RAPGEF6: variants seen among roughly 807,000 people sequenced by gnomAD.
RAPGEF6 encodes PDZ domain containing guanine nucleotide exchange factor (GEF) 2.
Under a neutral mutation model 171.4 loss-of-function variants are expected in RAPGEF6, and 56 were observed. The ratio of observed to expected loss-of-function variants is 0.33; its 90% CI spans 0.26 to 0.41. The LOEUF (loss-of-function observed/expected upper bound fraction) is 0.41, where lower values mean the gene tolerates loss of function less well. Among genes scored for constraint, RAPGEF6 ranks in the 10% least tolerant of loss-of-function variants. The probability of loss-of-function intolerance (pLI) is 1.00; values close to 1 mark genes in which losing one functional copy is unlikely to be tolerated. For missense variants in RAPGEF6, 1,674 were observed against 1,921.4 expected (o/e 0.87, Z 2.41); for synonymous variants, 692 against 650.1 (o/e 1.06, Z -0.98).
intron 1 of RAPGEF6, among the ~76,000 whole-genome samples, chr5:131,609,619 C>G (rs965194305): frequency 6.6e-5 from 10 of 152,332 alleles, no homozygotes; most frequent in South Asian, 2.1e-4. Context: ...CAAGGTCTGT[C>G]TAGCTACTGC....
At chr5:131,458,794 C>T (rs528585328) in intron 19 of RAPGEF6, among the ~76,000 whole-genome samples, 7 of 152,178 alleles carry the variant, frequency 4.6e-5, no homozygotes, top group Admixed American at 2.0e-4. Flanking sequence ...GCTGGGATTA[C>T]AAGCATGTGC....
chr5:131,448,589 T>C (rs1468092306), intron 21 of RAPGEF6, among the ~76,000 whole-genome samples: 1 of 152,154 alleles, frequency 6.6e-6, no homozygotes, highest in Non-Finnish European at 1.5e-5. Context: ...TTATCTTAGT[T>C]AATATAAAAA....
intron 15 of RAPGEF6, among the ~76,000 whole-genome samples, chr5:131,485,072 G>A (rs1026795053): frequency 8.5e-5 from 13 of 152,070 alleles, no homozygotes; most frequent in Non-Finnish European, 1.5e-4. Flanking sequence ...GACTACAGGT[G>A]CATGCTACCA....
intron 5 of RAPGEF6, among the ~76,000 whole-genome samples, chr5:131,550,932 C>A (rs1760883771): frequency 1.3e-5 from 2 of 152,190 alleles, no homozygotes; most frequent in Non-Finnish European, 2.9e-5. Flanking sequence ...ACTAAGTATA[C>A]CAACCTCACT....
At chr5:131,633,554 A>AC (rs1354204321) in intron 1 of RAPGEF6, among the ~76,000 whole-genome samples, 2 of 151,746 alleles carry the variant, frequency 1.3e-5, no homozygotes, top group Non-Finnish European at 2.9e-5. Context: ...ATATGGTGCA[A>AC]CCCCGTCTCT....
chr5:131,431,466 A>G, intron 25 of RAPGEF6, 117 bp from the exon 26 acceptor site: 1 of 1,099,560 alleles, frequency 9.1e-7, no homozygotes, highest in Non-Finnish European at 1.3e-6. Flanking sequence ...TGTTCATGCC[A>G]AATAACATCG....
chr5:131,529,196 C>CAGGG (rs1759196035), intron 6 of RAPGEF6, among the ~76,000 whole-genome samples: 2 of 151,400 alleles, frequency 1.3e-5, no homozygotes, highest in Non-Finnish European at 2.9e-5. Flanking sequence ...CAACAACAGG[C>CAGGG]AGGGCACTGT....
In RAPGEF6 at chr5:131,464,054, G is replaced by T; in HGVS notation, c.2467C>A (p.Gln823Lys). 6.3e-7 allele frequency: 1 copy of T among 1,598,206 alleles called. No individual in the cohort carries two copies. Among genetic ancestry groups the T allele is most frequent in the South Asian group, 1.1e-5 (1 of 89,428 alleles). Residue 823 changes from glutamine (Q) to lysine (K), a missense_variant, in exon 18 of 28, where the codon CAA becomes AAA. Around this residue, in one of 3 missense-constraint regions of RAPGEF6, gnomAD observed 1,116 missense variants for 1,321.5 expected, o/e 0.84. Transcript: ENST00000509018. ...DQFSKLADRI[Q>K]LNGRYYLKNN... ...AAGCTTATTCACCTTCCATTGAGTTGAATTCTATCAGCTAATTTGGAGAAC... is the reference window on the plus strand; with the variant it reads ...AAGCTTATTCACCTTCCATTGAGTTTAATTCTATCAGCTAATTTGGAGAAC...
intron 4 of RAPGEF6, among the ~76,000 whole-genome samples, chr5:131,587,898 G>C (rs1460604664): frequency 6.6e-6 from 1 of 152,104 alleles, no homozygotes; most frequent in Non-Finnish European, 1.5e-5. Flanking sequence ...ATCTGGAAAG[G>C]CCTTGCTGGG....
At chr5:131,631,774 C>T (rs1766321121) in intron 1 of RAPGEF6, among the ~76,000 whole-genome samples, 1 of 152,058 alleles carries the variant, frequency 6.6e-6, no homozygotes, top group Non-Finnish European at 1.5e-5. Context: ...TAGTGAGACC[C>T]TCTTTAAAAA....
intron 4 of RAPGEF6, among the ~76,000 whole-genome samples, chr5:131,570,669 A>G (rs527733820): frequency 6.6e-6 from 1 of 152,224 alleles, no homozygotes; most frequent in Non-Finnish European, 1.5e-5. Context: ...ACATTATGCT[A>G]AATGAAAAAA....
chr5:131,606,055 A>AAAAAAAAAAAAAAG (rs1764553795), intron 1 of RAPGEF6, among the ~76,000 whole-genome samples: 1 of 126,548 alleles, frequency 7.9e-6, no homozygotes, highest in African/African-American at 4.3e-5. Context: ...AAAAAAAAAG[A>AAAAAAAAAAAAAAG]AAAAGAAAAG....
chr5:131,532,510 T>C (rs1759460715), intron 6 of RAPGEF6, among the ~76,000 whole-genome samples: 1 of 152,176 alleles, frequency 6.6e-6, no homozygotes, highest in African/African-American at 2.4e-5. Context: ...CAAATCTGTG[T>C]TCCTGGATTC....
At chr5:131,595,776 T>C (rs1436966498) in intron 3 of RAPGEF6, among the ~76,000 whole-genome samples, 1 of 152,180 alleles carries the variant, frequency 6.6e-6, no homozygotes, top group Non-Finnish European at 1.5e-5. Context: ...TTAATAGATA[T>C]AGAATGGCTG....
chr5:131,492,502 T>C (rs891926042), intron 14 of RAPGEF6, 80 bp downstream of exon 14: 4 of 1,406,526 alleles, frequency 2.8e-6, no homozygotes, highest in African/African-American at 2.8e-5. Context: ...CTGATCATGC[T>C]TTCTGGAAGA....
chr5:131,432,344 C>T (rs375228326), intron 25 of RAPGEF6, among the ~76,000 whole-genome samples: 28 of 152,248 alleles, frequency 1.8e-4, no homozygotes, highest in Non-Finnish European at 2.1e-4. Flanking sequence ...TTTGGCTGGG[C>T]GTGGTGGCTC....
chr5:131,462,469 G>C (rs1320466139), intron 18 of RAPGEF6, among the ~76,000 whole-genome samples: 1 of 152,090 alleles, frequency 6.6e-6, no homozygotes, highest in Non-Finnish European at 1.5e-5. Context: ...TTCTAATTAA[G>C]GCAAAATAAA....
At chr5:131,444,187 T>G (rs1462241332) in intron 22 of RAPGEF6, among the ~76,000 whole-genome samples, 1 of 152,184 alleles carries the variant, frequency 6.6e-6, no homozygotes, top group Non-Finnish European at 1.5e-5. Context: ...ATGCTTTTAT[T>G]AAGACAGACT....
chr5:131,613,792 A>G (rs1481224947), intron 1 of RAPGEF6, among the ~76,000 whole-genome samples: 1 of 152,142 alleles, frequency 6.6e-6, no homozygotes, highest in Non-Finnish European at 1.5e-5. Flanking sequence ...GAAAGCTGAA[A>G]ACACCAAATT....
Sources: gnomAD v4.1 joint callset for allele counts (sites outside exome capture counted in the v4.1 genomes callset) on GRCh38, gnomAD v4.1.1 for gene constraint, gnomAD v4.1.1 regional missense constraint, MANE v1.5 for transcripts, NCBI Gene and HGNC (gene_info 2026-07-23, HGNC 2026-07-21) for gene names.